The following ZDHHC17 variants were observed in gnomAD, a reference collection of about 807,000 sequenced individuals.
ZDHHC17 encodes the protein palmitoyltransferase ZDHHC17.
In ZDHHC17, 40 loss-of-function variants were observed where a neutral mutation model predicts 90.3. That is an observed-to-expected ratio of 0.44 (90% confidence interval 0.34 to 0.58). The LOEUF (loss-of-function observed/expected upper bound fraction) is 0.58, where lower values mean the gene tolerates loss of function less well. Ranked by LOEUF, ZDHHC17 falls within the 20% of genes least tolerant of loss-of-function variation. The probability of loss-of-function intolerance (pLI) is 0.01; values close to 1 mark genes in which losing one functional copy is unlikely to be tolerated. For missense variants in ZDHHC17, 614 were observed against 780.8 expected (o/e 0.79, Z 2.55); for synonymous variants, 235 against 252.4 (o/e 0.93, Z 0.65).
At chr12:76,774,936 T>G (rs1952541357) in intron 1 of ZDHHC17, among the ~76,000 whole-genome samples, 1 of 152,240 alleles carries the variant, frequency 6.6e-6, no homozygotes, top group Admixed American at 6.5e-5. Flanking sequence ...GTTTCTTTTT[T>G]GAGACAGGAT....
intron 10 of ZDHHC17, among the ~76,000 whole-genome samples, chr12:76,836,979 G>A (rs1953372680): frequency 6.6e-6 from 1 of 152,052 alleles, no homozygotes; most frequent in Admixed American, 6.6e-5. Flanking sequence ...TTGAATTTTC[G>A]ACATGTCTCT....
intron 7 of ZDHHC17, among the ~76,000 whole-genome samples, chr12:76,817,245 T>G (rs1953099668): frequency 6.6e-6 from 1 of 152,062 alleles, no homozygotes; most frequent in Non-Finnish European, 1.5e-5. Context: ...GGTCTGAAGG[T>G]TAAGAAAAGA....
chr12:76,789,048 C>T (rs1283245432), intron 1 of ZDHHC17, among the ~76,000 whole-genome samples: 1 of 152,052 alleles, frequency 6.6e-6, no homozygotes, highest in African/African-American at 2.4e-5. Flanking sequence ...CACCCAGTGC[C>T]AGTGAGTTTA....
intron 10 of ZDHHC17, among the ~76,000 whole-genome samples, chr12:76,832,581 T>G (rs1002092481): frequency 5.3e-5 from 8 of 152,214 alleles, no homozygotes; most frequent in African/African-American, 1.9e-4. Flanking sequence ...TTTAAAAAAC[T>G]TTATTTAATA....
Position 76,846,672 on chromosome 12 carries a change from T to G in ZDHHC17, c.1500T>G (p.Cys500Trp). 6.2e-7 allele frequency: 1 copy of G among 1,607,948 alleles called. No homozygotes were observed. Among genetic ancestry groups the G allele is most frequent in the Non-Finnish European group, 8.5e-7 (1 of 1,176,228 alleles). Residue 500 changes from cysteine to tryptophan, a missense_variant, in exon 14 of 17, where the codon TGT becomes TGG. Transcript: ENST00000426126. ...TGATCTGCTGGATGATTTATGGTTG[T>G]ATATCTTGTGAGTACAATTAGTTTT... Reference protein sequence around the residue: ...LFMICWMIYGCISYWGLHCET... With the variant: ...LFMICWMIYGWISYWGLHCET...
At chr12:76,766,238 T>C (rs1952429839) in intron 1 of ZDHHC17, among the ~76,000 whole-genome samples, 1 of 152,186 alleles carries the variant, frequency 6.6e-6, no homozygotes, top group Non-Finnish European at 1.5e-5. Context: ...GCATACATAA[T>C]ATATACCGTT....
chr12:76,829,284 C>G (rs934869231), intron 10 of ZDHHC17, among the ~76,000 whole-genome samples: 1 of 151,584 alleles, frequency 6.6e-6, no homozygotes, highest in Non-Finnish European at 1.5e-5. Flanking sequence ...TGGTGAAACC[C>G]CATCTCTACT....
intron 10 of ZDHHC17, among the ~76,000 whole-genome samples, chr12:76,834,919 C>T (rs1358709242): frequency 6.6e-6 from 1 of 152,068 alleles, no homozygotes. Context: ...TAGTTTTGTT[C>T]TTAAATTATA....
intron 8 of ZDHHC17, 21 bp from the exon 9 acceptor site, chr12:76,826,887 T>A (rs780542690): frequency 2.0e-6 from 3 of 1,502,284 alleles, no homozygotes; most frequent in Non-Finnish European, 2.6e-6. Flanking sequence ...AAAACTTTTC[T>A]AATTTTTTGT....
Position 76,815,394 on chromosome 12 carries a change from T to G in ZDHHC17, c.608+184T>G, listed in dbSNP as rs191807681. Among the ~76,000 whole-genome samples, 215 of 152,064 alleles carry G rather than the reference T, an allele frequency of 1.4e-3. 1 individual carries two copies. The highest frequency in any genetic ancestry group is 4.8e-3 in the African/African-American group (200 of 41,544). On this transcript the variant is annotated intron_variant, in intron 6 of 16. Transcript: ENST00000426126. ...TCTGTGCTGTCTCTCCCTCACTGAT[T>G]AGAGCTTCCTTAATCTGTTTCTCTT...
chr12:76,805,477 CTTT>C (rs1555183994), intron 3 of ZDHHC17, 38 bp downstream of exon 3: 7 of 981,034 alleles, frequency 7.1e-6, no homozygotes, highest in African/African-American at 1.6e-5. Flanking sequence ...TAGAACTTGA[CTTT>C]TTATGGTTAT....
At chr12:76,785,901 C>T (rs925004950) in intron 1 of ZDHHC17, among the ~76,000 whole-genome samples, 5 of 151,922 alleles carry the variant, frequency 3.3e-5, no homozygotes, top group Non-Finnish European at 5.9e-5. Context: ...GTATGATTGC[C>T]GAAATGTCCT....
At chr12:76,786,905 T>C (rs900424120) in intron 1 of ZDHHC17, among the ~76,000 whole-genome samples, 1 of 152,236 alleles carries the variant, frequency 6.6e-6, no homozygotes, top group Non-Finnish European at 1.5e-5. Flanking sequence ...TCTTTACTTA[T>C]TCTCAGTCGA....
chr12:76,820,048 T>C (rs184378383), intron 7 of ZDHHC17, among the ~76,000 whole-genome samples: 1 of 151,840 alleles, frequency 6.6e-6, no homozygotes, highest in East Asian at 1.9e-4. Flanking sequence ...AACTTTAAAA[T>C]TGCTGTTTTC....
chr12:76,841,877 AT>A (rs1953439621), intron 10 of ZDHHC17, 104 bp from the exon 11 acceptor site: 10 of 848,102 alleles, frequency 1.2e-5, no homozygotes, highest in Non-Finnish European at 1.1e-5. Flanking sequence ...AACAGTTTGT[AT>A]TTTTTTGACT....
chr12:76,787,307 T>C (rs930831999), intron 1 of ZDHHC17, among the ~76,000 whole-genome samples: 1 of 152,182 alleles, frequency 6.6e-6, no homozygotes, highest in African/African-American at 2.4e-5. Context: ...CTTTACAGGA[T>C]GAAATCGAGA....
At chr12:76,849,323 C>CAA (rs34062414) in intron 15 of ZDHHC17, 53 bp from the exon 16 acceptor site, 21,475 of 449,420 alleles carry the variant, frequency 0.048, 124 homozygotes, top group East Asian at 0.081. Context: ...GGTCCTGTCT[C>CAA]AAAAAAAAAA....
At position 76,764,220 on chromosome 12, in the gene ZDHHC17, A is replaced by C. The variant is rs1458363439; in HGVS notation, c.-17A>C. ...GCCTCGCCCGAGCCCCGGGAGGGTG[A>C]AACGCTTTCTCCCAGCATGCAGCGG... On this transcript the variant is annotated 5_prime_UTR_variant, in exon 1 of 17. Transcript: ENST00000426126. 3 of 1,546,626 alleles carry C rather than the reference A, an allele frequency of 1.9e-6. No homozygotes were observed. In the African/African-American group the frequency reaches 4.1e-5, roughly 21 times the overall value.
chr12:76,820,221 A>AT (rs1953147491), intron 7 of ZDHHC17, among the ~76,000 whole-genome samples: 1 of 152,148 alleles, frequency 6.6e-6, no homozygotes, highest in Non-Finnish European at 1.5e-5. Flanking sequence ...AGTGGCTGTC[A>AT]TCAGAAAAGA....
Sources: allele counts gnomAD v4.1 joint callset (sites outside exome capture counted in the v4.1 genomes callset), GRCh38; gene constraint gnomAD v4.1.1; transcripts MANE v1.5; gene names NCBI Gene and HGNC (gene_info 2026-07-23, HGNC 2026-07-21).